Variants in DTNB observed in about 807,000 individuals in gnomAD.
DTNB encodes the protein dystrobrevin beta, also known as DTN-B.
A neutral mutation model predicts 90.7 loss-of-function variants in DTNB; 63 were observed. The ratio of observed to expected loss-of-function variants is 0.69; its 90% CI spans 0.57 to 0.86. DTNB has a LOEUF of 0.86. DTNB is among the 40% of genes least tolerant of loss of function. The pLI is 0.00. For missense variants in DTNB, 744 were observed against 807.1 expected (o/e 0.92, Z 0.95); for synonymous variants, 277 against 286.7 (o/e 0.97, Z 0.34).
intron 2 of DTNB, among the ~76,000 whole-genome samples, chr2:25,643,599 A>G (rs2078816119): frequency 6.6e-6 from 1 of 152,226 alleles, no homozygotes; most frequent in Non-Finnish European, 1.5e-5. Flanking sequence ...AAGCTGACAG[A>G]GGAGGACAAT....
At chr2:25,454,807 C>T (rs2059765217) in intron 11 of DTNB, among the ~76,000 whole-genome samples, 1 of 152,256 alleles carries the variant, frequency 6.6e-6, no homozygotes, top group East Asian at 1.9e-4. Flanking sequence ...GAATGTGGAG[C>T]TATTATAATA....
At chr2:25,572,367 T>C (rs571952552) in intron 8 of DTNB, among the ~76,000 whole-genome samples, 52 of 151,456 alleles carry the variant, frequency 3.4e-4, no homozygotes, top group African/African-American at 1.2e-3. Flanking sequence ...CTCAGGAGGC[T>C]GAGGCAGGAG....
At chr2:25,403,336 G>A (rs1259835365) in intron 16 of DTNB, among the ~76,000 whole-genome samples, 1 of 152,118 alleles carries the variant, frequency 6.6e-6, no homozygotes, top group Admixed American at 6.5e-5. Flanking sequence ...GGGTGGTCTC[G>A]AACTCCTGAC....
chr2:25,568,239 G>A (rs1393219672), intron 8 of DTNB, among the ~76,000 whole-genome samples: 1 of 152,098 alleles, frequency 6.6e-6, no homozygotes, highest in East Asian at 1.9e-4. Flanking sequence ...GATGGATGCT[G>A]GTGATGGCCG....
At chr2:25,425,915 C>T (rs1342413885) in intron 15 of DTNB, among the ~76,000 whole-genome samples, 1 of 152,138 alleles carries the variant, frequency 6.6e-6, no homozygotes, top group African/African-American at 2.4e-5. Context: ...ATATAACTTT[C>T]AACAACAATA....
intron 7 of DTNB, among the ~76,000 whole-genome samples, chr2:25,578,855 C>T (rs2061116341): frequency 6.6e-6 from 1 of 151,886 alleles, no homozygotes; most frequent in East Asian, 1.9e-4. Flanking sequence ...TGATGAACTT[C>T]ATAGAGCCCA....
chr2:25,385,545 A>G (rs1262624007), intron 18 of DTNB, among the ~76,000 whole-genome samples: 3 of 152,160 alleles, frequency 2.0e-5, no homozygotes, highest in African/African-American at 2.4e-5. Context: ...TGGGTTTGCT[A>G]TCTTGTCCTG....
intron 1 of DTNB, among the ~76,000 whole-genome samples, chr2:25,668,233 A>T (rs2084974487): frequency 6.6e-6 from 1 of 152,188 alleles, no homozygotes; most frequent in South Asian, 2.1e-4. Context: ...AGTGAGACTC[A>T]GTCTCAAAAA....
Position 25,387,189 on chromosome 2 carries a change from A to C in DTNB, c.1825+100T>G. On this transcript the variant is annotated intron_variant, in intron 18 of 20. Coordinates refer to ENST00000406818, the MANE Select transcript of DTNB (RefSeq NM_021907.5). The surrounding 1 kb of genome is among the most constrained non-coding windows in gnomAD (Gnocchi z 4.5). ...GTTAGGTGATGAAATGGGGTGGTGC[A>C]AGCTGGGTGGTGAGGTTCTGCCGGT... The C allele has an allele frequency of 8.8e-7, 1 of 1,138,410 alleles. No individual in the cohort carries two copies. The highest frequency in any genetic ancestry group is 1.3e-6 in the Non-Finnish European group (1 of 789,490). 70.5% of individuals were successfully genotyped at this position (1,138,410 alleles called of 1,614,324 possible). A position where few individuals can be genotyped will look rare whatever the true frequency, so the allele number is the denominator to read the frequency against.
chr2:25,624,372 G>A (rs894999419), intron 4 of DTNB, among the ~76,000 whole-genome samples: 1 of 152,216 alleles, frequency 6.6e-6, no homozygotes, highest in Non-Finnish European at 1.5e-5. Context: ...TCTGCTCGGT[G>A]TTCAAAGAAG....
chr2:25,432,485 G>A (rs1025893716), intron 14 of DTNB, among the ~76,000 whole-genome samples: 5 of 152,214 alleles, frequency 3.3e-5, no homozygotes, highest in African/African-American at 7.2e-5. Context: ...GCAGAGCCCT[G>A]CATTGACTGT....
Position 25,473,507 on chromosome 2 carries a change from A to C in DTNB, c.1079+9289T>G, listed in dbSNP as rs1259735531. Among the ~76,000 whole-genome samples the C allele has an allele frequency of 2.0e-5, 3 of 152,230 alleles. No individual in the cohort carries two copies. The East Asian group carries it at 5.8e-4, about 29-fold the overall frequency. ...GTGTGTTCATGTGTGTATCAGAAAGAGAGACAGACAGAGACATTACATAGT... is the reference window on the plus strand; with the variant it reads ...GTGTGTTCATGTGTGTATCAGAAAGCGAGACAGACAGAGACATTACATAGT... On this transcript the variant is annotated intron_variant, in intron 10 of 20. Coordinates refer to ENST00000406818, the MANE Select transcript of DTNB (RefSeq NM_021907.5).
chr2:25,631,320 G>A (rs1292395505), intron 3 of DTNB, among the ~76,000 whole-genome samples: 3 of 152,126 alleles, frequency 2.0e-5, no homozygotes, highest in Admixed American at 2.0e-4. Flanking sequence ...TTGGTGCAGC[G>A]GCTCATGTCT....
At chr2:25,433,628 C>T (rs1035598537) in intron 13 of DTNB, among the ~76,000 whole-genome samples, 3 of 151,436 alleles carry the variant, frequency 2.0e-5, no homozygotes, top group East Asian at 1.9e-4. Context: ...GAGTGGAAAA[C>T]GCAATTGTGA....
intron 11 of DTNB, among the ~76,000 whole-genome samples, chr2:25,453,879 G>A (rs1289994312): frequency 6.6e-6 from 1 of 152,198 alleles, no homozygotes; most frequent in Non-Finnish European, 1.5e-5. Context: ...CGGGCGTAGT[G>A]GCTCATGCCT....
At chr2:25,508,093 T>C (rs1158734701) in intron 9 of DTNB, among the ~76,000 whole-genome samples, 1 of 152,246 alleles carries the variant, frequency 6.6e-6, no homozygotes, top group Non-Finnish European at 1.5e-5. Context: ...CCTATTTTGC[T>C]GTTCTATATA....
intron 16 of DTNB, among the ~76,000 whole-genome samples, chr2:25,390,371 G>A (rs1247718142): frequency 6.6e-6 from 1 of 151,696 alleles, no homozygotes; most frequent in Admixed American, 6.6e-5. Context: ...ACCATGATAT[G>A]TAAAAACAAA....
At chr2:25,391,219 A>G (rs1425455452) in intron 16 of DTNB, among the ~76,000 whole-genome samples, 1 of 152,082 alleles carries the variant, frequency 6.6e-6, no homozygotes. Flanking sequence ...TTTAGATATG[A>G]CATCAAAAGC....
At chr2:25,590,094 G>A (rs117283877) in intron 6 of DTNB, among the ~76,000 whole-genome samples, 3 of 152,326 alleles carry the variant, frequency 2.0e-5, no homozygotes, top group East Asian at 3.9e-4. Context: ...CAGCAAACAC[G>A]GTGGCACCCA....
Sources: gnomAD v4.1 joint callset for allele counts (sites outside exome capture counted in the v4.1 genomes callset) on GRCh38, gnomAD v4.1.1 for gene constraint, Gnocchi (gnomAD v3.1) non-coding constraint, MANE v1.5 for transcripts, NCBI Gene and HGNC (gene_info 2026-07-23, HGNC 2026-07-21) for gene names.